Variants in GABRB3 observed in about 807,000 individuals in gnomAD.
GABRB3 encodes gamma-aminobutyric acid receptor subunit beta-3.
A neutral mutation model predicts 52.1 loss-of-function variants in GABRB3; 14 were observed. The ratio of observed to expected loss-of-function variants is 0.27; its 90% CI spans 0.18 to 0.42. The LOEUF (loss-of-function observed/expected upper bound fraction) is 0.42, where lower values mean the gene tolerates loss of function less well. Ranked by LOEUF, GABRB3 falls within the 10% of genes least tolerant of loss-of-function variation. The pLI is 1.00. For synonymous variants in GABRB3, 260 were observed against 232.3 expected, an observed-to-expected ratio of 1.12 and a Z score of -1.08; for missense variants, 307 against 609.1, an observed-to-expected ratio of 0.50 and a Z score of 5.22.
At chr15:26,655,849 TAGA>T (rs1887356659) in intron 3 of GABRB3, among the ~76,000 whole-genome samples, 1 of 152,176 alleles carries the variant, frequency 6.6e-6, no homozygotes, top group Non-Finnish European at 1.5e-5. Context: ...ATCAGCTCAT[TAGA>T]CAGACCAAAG....
chr15:26,635,326 C>T (rs1030695296), intron 3 of GABRB3, among the ~76,000 whole-genome samples: 1 of 151,918 alleles, frequency 6.6e-6, no homozygotes, highest in African/African-American at 2.4e-5. Flanking sequence ...GCTGGATGAT[C>T]CATGCCTCTG....
chr15:26,605,547 G>A (rs1203230892), intron 4 of GABRB3, among the ~76,000 whole-genome samples: 1 of 152,178 alleles, frequency 6.6e-6, no homozygotes, highest in East Asian at 1.9e-4. Flanking sequence ...TAAAGAAAAT[G>A]TTGTACTTAC....
At chr15:26,739,377 C>T (rs911651916) in intron 3 of GABRB3, among the ~76,000 whole-genome samples, 4 of 152,024 alleles carry the variant, frequency 2.6e-5, no homozygotes, top group African/African-American at 2.4e-5. Context: ...CCCTAAAAAT[C>T]CAGACAGCTT....
intron 4 of GABRB3, among the ~76,000 whole-genome samples, chr15:26,597,851 T>C (rs540787882): frequency 1.3e-5 from 2 of 152,274 alleles, no homozygotes; most frequent in African/African-American, 4.8e-5. Flanking sequence ...CAAAATTAAA[T>C]CTTTAAAATT....
chr15:26,641,697 C>T (rs1472008743), intron 3 of GABRB3, among the ~76,000 whole-genome samples: 1 of 152,184 alleles, frequency 6.6e-6, no homozygotes, highest in African/African-American at 2.4e-5. Flanking sequence ...CATGGCTGGG[C>T]CATGGCCAGA....
chr15:26,554,809 A>T (rs1264248872), intron 8 of GABRB3, among the ~76,000 whole-genome samples: 1 of 152,172 alleles, frequency 6.6e-6, no homozygotes, highest in African/African-American at 2.4e-5. Flanking sequence ...ATAAGTTGGG[A>T]GAACAGAAAT....
intron 3 of GABRB3, among the ~76,000 whole-genome samples, chr15:26,739,069 G>A (rs1260546722): frequency 6.6e-6 from 1 of 152,074 alleles, no homozygotes; most frequent in Non-Finnish European, 1.5e-5. Context: ...CTTAGAGAAG[G>A]GACACCGTGG....
chr15:26,705,305 G>A lies in GABRB3; in HGVS notation c.240+67097C>T, dbSNP rs1318217322. Among the ~76,000 whole-genome samples, 8 of 152,140 alleles carry A rather than the reference G, an allele frequency of 5.3e-5. 1 individual carries two copies. In the South Asian group the frequency reaches 1.7e-3, roughly 32 times the overall value. On this transcript the variant is annotated intron_variant, in intron 3 of 8. Transcript: ENST00000311550. ...AAAGACATCTGATCTCATTCACAGGGAAGAAGCCTCACCACCTCTTAAAGG... is the reference window on the plus strand; with the variant it reads ...AAAGACATCTGATCTCATTCACAGGAAAGAAGCCTCACCACCTCTTAAAGG...
intron 6 of GABRB3, among the ~76,000 whole-genome samples, chr15:26,571,999 T>C (rs1890418719): frequency 6.7e-6 from 1 of 148,164 alleles, no homozygotes; most frequent in African/African-American, 2.5e-5. Context: ...TGAGCCGAAA[T>C]TGAGCTACTG....
chr15:26,746,895 G>A (rs990438278), intron 3 of GABRB3, among the ~76,000 whole-genome samples: 6 of 152,180 alleles, frequency 3.9e-5, no homozygotes, highest in East Asian at 1.9e-4. Context: ...GCTGAGGCAG[G>A]AGAATGGCAT....
intron 3 of GABRB3, among the ~76,000 whole-genome samples, chr15:26,713,355 G>A (rs1267615888): frequency 6.6e-6 from 1 of 152,144 alleles, no homozygotes; most frequent in East Asian, 1.9e-4. Flanking sequence ...AGAGAGAATG[G>A]TACCAGAGGC....
intron 3 of GABRB3, among the ~76,000 whole-genome samples, chr15:26,704,921 T>C (rs1336545472): frequency 2.0e-5 from 3 of 152,216 alleles, no homozygotes; most frequent in East Asian, 3.9e-4. Flanking sequence ...TCACTCTTAA[T>C]GCTTCATTCA....
chr15:26,563,016 T>A (rs980969842), intron 7 of GABRB3, among the ~76,000 whole-genome samples: 1 of 152,234 alleles, frequency 6.6e-6, no homozygotes, highest in Non-Finnish European at 1.5e-5. Flanking sequence ...AAACACCACA[T>A]AAATGCTACA....
chr15:26,621,253 G>A lies in GABRB3; in HGVS notation c.461+61C>T. ...CTCACTTACAATAATCATCTCAAGT[G>A]AGATATTCAACACCCATGCACCATG... On this transcript the variant is annotated intron_variant, in intron 4 of 8. Transcript: ENST00000311550. The surrounding 1 kb of genome is among the most constrained non-coding windows in gnomAD (Gnocchi z 4.1). The A allele has an allele frequency of 1.6e-6, 2 of 1,226,154 alleles. No homozygotes were observed. The highest frequency in any genetic ancestry group is 2.4e-6 in the Non-Finnish European group (2 of 827,684). The allele number at this position is 1,226,154 out of a possible 1,614,324, so 76.0% of individuals were successfully genotyped here. A position where few individuals can be genotyped will look rare whatever the true frequency, so the allele number is the denominator to read the frequency against.
intron 3 of GABRB3, among the ~76,000 whole-genome samples, chr15:26,758,951 G>C (rs2140180698): frequency 6.6e-6 from 1 of 152,192 alleles, no homozygotes; most frequent in African/African-American, 2.4e-5. Context: ...AAAAACCTAA[G>C]TTAAACAGTT....
intron 3 of GABRB3, among the ~76,000 whole-genome samples, chr15:26,695,770 C>T (rs927171573): frequency 7.2e-5 from 11 of 152,122 alleles, no homozygotes; most frequent in African/African-American, 2.7e-4. Flanking sequence ...AGTTTGGTGA[C>T]TACAGCTTCT....
chr15:26,580,580 C>A (rs1890754068), intron 5 of GABRB3, 124 bp from the exon 6 acceptor site: 1 of 1,214,628 alleles, frequency 8.2e-7, no homozygotes. Flanking sequence ...GCTTAATGTG[C>A]TTGTCTAGGG....
At chr15:26,689,886 G>T (rs937105419) in intron 3 of GABRB3, among the ~76,000 whole-genome samples, 1 of 152,150 alleles carries the variant, frequency 6.6e-6, no homozygotes, top group Non-Finnish European at 1.5e-5. Flanking sequence ...AGGCGTGCCT[G>T]ATCTCCCCTC....
chr15:26,750,017 T>A (rs147506854), intron 3 of GABRB3: 1 of 152,200 alleles, frequency 6.6e-6, no homozygotes, highest in Non-Finnish European at 1.5e-5. Flanking sequence ...CACTATTCCA[T>A]CTTGGCCAGA....
Sources: gnomAD v4.1 joint callset for allele counts (sites outside exome capture counted in the v4.1 genomes callset) on GRCh38, gnomAD v4.1.1 for gene constraint, Gnocchi (gnomAD v3.1) non-coding constraint, MANE v1.5 for transcripts, NCBI Gene and HGNC (gene_info 2026-07-23, HGNC 2026-07-21) for gene names.